Variants in ITPRID1 observed in about 807,000 individuals in gnomAD.
ITPRID1 encodes the protein protein ITPRID1.
ITPRID1 carries 96 observed loss-of-function variants against 95.4 expected under a neutral mutation model. That is an observed-to-expected ratio of 1.01 (90% CI 0.85 to 1.19). ITPRID1 has a LOEUF of 1.19. Ranked by LOEUF, ITPRID1 falls within the 50% of genes most tolerant of loss-of-function variation. The pLI is 0.00. For missense variants in ITPRID1, 1,339 were observed against 1,252.9 expected (o/e 1.07, Z -1.04); for synonymous variants, 510 against 453.6 (o/e 1.12, Z -1.58).
intron 10 of ITPRID1, among the ~76,000 whole-genome samples, chr7:31,623,175 A>G (rs893792365): frequency 6.6e-6 from 1 of 152,208 alleles, no homozygotes; most frequent in African/African-American, 2.4e-5. Flanking sequence ...TACCAGAGGT[A>G]CAAGGAGGAA....
intron 10 of ITPRID1, among the ~76,000 whole-genome samples, chr7:31,592,461 T>G (rs1410318304): frequency 6.6e-6 from 1 of 152,246 alleles, no homozygotes; most frequent in Non-Finnish European, 1.5e-5. Context: ...ATTAAGATGT[T>G]ACTCAAAATA....
intron 10 of ITPRID1, among the ~76,000 whole-genome samples, chr7:31,586,091 T>C (rs1379029357): frequency 7.0e-6 from 1 of 142,610 alleles, no homozygotes; most frequent in Admixed American, 7.2e-5. Context: ...TATGCGGTGT[T>C]TGGTTTTTTG....
At chr7:31,615,454 A>G (rs1185854456) in intron 10 of ITPRID1, among the ~76,000 whole-genome samples, 1 of 152,144 alleles carries the variant, frequency 6.6e-6, no homozygotes, top group African/African-American at 2.4e-5. Flanking sequence ...AGTAAATGGC[A>G]GTTAGTTATT....
Position 31,643,159 on chromosome 7 carries a change from CA to C in ITPRID1, c.1792del (p.Arg598GlyfsTer80), listed in dbSNP as rs779234738. On this transcript the variant is annotated frameshift_variant, in exon 12 of 15. Coordinates refer to ENST00000615280, the MANE Select transcript of ITPRID1 (RefSeq NM_001257967.3). LOFTEE classifies it high-confidence loss of function. ...GKVQSHHNES[Q>X]RSPGNDHTQD... is the part of the protein sequence containing the mutation. Reference sequence around the variant, plus strand: ...AGTGCAAAGCCACCACAATGAGTCTCAAAGGTCACCTGGAAATGATCATACT... The same window carrying C: ...AGTGCAAAGCCACCACAATGAGTCTCAAGGTCACCTGGAAATGATCATACT... The C allele has an allele frequency of 6.2e-7, 1 of 1,613,972 alleles. No homozygotes were observed. Among genetic ancestry groups the C allele is most frequent in the South Asian group, 1.1e-5 (1 of 91,084 alleles).
rs560457692 is a variant in ITPRID1 at position 31,656,490 on chromosome 7, A to G, written c.*3661A>G. On this transcript the variant is annotated 3_prime_UTR_variant, in exon 15 of 15. Transcript: ENST00000615280. ...CAAGTGCACATACCAAGAACTCAAT[A>G]AATGCTAACTGTAATTACTGTCTTC... 138 of 982,356 alleles carry G rather than the reference A, an allele frequency of 1.4e-4. No individual in the cohort carries two copies. The South Asian group carries it at 5.6e-3, about 40-fold the overall frequency. The allele number at this position is 982,356 out of a possible 1,614,324, so 60.9% of individuals were successfully genotyped here.
chr7:31,563,105 T>C (rs943765103), intron 5 of ITPRID1, among the ~76,000 whole-genome samples: 2 of 152,130 alleles, frequency 1.3e-5, no homozygotes, highest in Non-Finnish European at 2.9e-5. Flanking sequence ...ATAATGAAGA[T>C]ATTGTCAGAC....
chr7:31,526,208 C>T (rs774810265), intron 1 of ITPRID1, among the ~76,000 whole-genome samples: 8 of 152,154 alleles, frequency 5.3e-5, no homozygotes, highest in Non-Finnish European at 8.8e-5. Context: ...ACATGCTGTC[C>T]TTCCTCAAAA....
intron 1 of ITPRID1, among the ~76,000 whole-genome samples, chr7:31,544,549 C>CT (rs1330376600): frequency 1.3e-5 from 2 of 151,998 alleles, no homozygotes; most frequent in Non-Finnish European, 2.9e-5. Context: ...TTCCAAGAAG[C>CT]TTTTTTTATA....
intron 10 of ITPRID1, among the ~76,000 whole-genome samples, chr7:31,601,698 G>C (rs77179642): frequency 2.5e-4 from 38 of 152,244 alleles, no homozygotes; most frequent in Non-Finnish European, 5.1e-4. Context: ...TAATGTGGAG[G>C]TAAAAAGGGA....
At chr7:31,652,088 C>A (rs144999832) in intron 14 of ITPRID1, 38 bp downstream of exon 14, 17 of 1,372,672 alleles carry the variant, frequency 1.2e-5, no homozygotes, top group Admixed American at 2.0e-5. Flanking sequence ...CTATATCCAG[C>A]CTACCACAGG....
intron 10 of ITPRID1, among the ~76,000 whole-genome samples, chr7:31,621,257 T>C (rs1281915793): frequency 5.6e-4 from 83 of 149,286 alleles, no homozygotes; most frequent in Non-Finnish European, 1.1e-3. Context: ...ATGCAGAGAA[T>C]GCCACAAAGA....
chr7:31,526,736 GTTT>G (rs111566731), intron 1 of ITPRID1, among the ~76,000 whole-genome samples: 1 of 151,848 alleles, frequency 6.6e-6, no homozygotes, highest in Non-Finnish European at 1.5e-5. Flanking sequence ...AAGACCTGCA[GTTT>G]TTTTTCTCCC....
In ITPRID1 at chr7:31,624,291, C is replaced by A. The variant is rs1171186820; in HGVS notation, c.1229-17885C>A. ...AACTACTTTAAAGTTCATATGGAAC[C>A]AAAAAAGAGCCCGCATCACCAAGGC... On this transcript the variant is annotated intron_variant, in intron 10 of 14. Coordinates refer to ENST00000615280, the MANE Select transcript of ITPRID1 (RefSeq NM_001257967.3). 3.5e-5 allele frequency among the ~76,000 whole-genome samples: 5 copies of A among 142,896 alleles called. No individual in the cohort carries two copies. In the East Asian group the frequency reaches 1.0e-3, roughly 30 times the overall value. 93.7% of individuals were successfully genotyped at this position (142,896 alleles called of 152,430 possible).
chr7:31,641,451 C>T (rs1790008844), intron 10 of ITPRID1, among the ~76,000 whole-genome samples: 1 of 151,610 alleles, frequency 6.6e-6, no homozygotes, highest in Non-Finnish European at 1.5e-5. Context: ...TGTGGTATAA[C>T]TGAAAGCATT....
intron 10 of ITPRID1, among the ~76,000 whole-genome samples, chr7:31,640,312 T>C (rs1789903932): frequency 6.6e-6 from 1 of 152,176 alleles, no homozygotes; most frequent in African/African-American, 2.4e-5. Context: ...ATGGTTCTCT[T>C]CCCAGCTTTT....
intron 12 of ITPRID1, among the ~76,000 whole-genome samples, chr7:31,645,978 T>A (rs1047080275): frequency 1.3e-5 from 2 of 152,098 alleles, no homozygotes; most frequent in Non-Finnish European, 2.9e-5. Context: ...GAAGGTGACA[T>A]TTTGAGAGGC....
At chr7:31,600,990 C>T (rs1197924303) in intron 10 of ITPRID1, among the ~76,000 whole-genome samples, 2 of 152,142 alleles carry the variant, frequency 1.3e-5, no homozygotes, top group Non-Finnish European at 2.9e-5. Flanking sequence ...TTCTGCCCTG[C>T]TCATGCCTAG....
intron 1 of ITPRID1, among the ~76,000 whole-genome samples, chr7:31,516,928 G>A (rs770092838): frequency 1.2e-4 from 18 of 152,128 alleles, no homozygotes; most frequent in Non-Finnish European, 2.6e-4. Context: ...TCTGACGTTC[G>A]GACCTGTCCG....
intron 1 of ITPRID1, among the ~76,000 whole-genome samples, chr7:31,522,474 T>C (rs1224315967): frequency 6.6e-6 from 1 of 152,258 alleles, no homozygotes; most frequent in East Asian, 1.9e-4. Flanking sequence ...ATGAGGAAAG[T>C]TGCTCATGAA....
Sources: allele counts gnomAD v4.1 joint callset (sites outside exome capture counted in the v4.1 genomes callset), GRCh38; gene constraint gnomAD v4.1.1; transcripts MANE v1.5; gene names NCBI Gene and HGNC (gene_info 2026-07-23, HGNC 2026-07-21).